Variants in FAT3 observed in about 807,000 individuals in gnomAD.
FAT3 encodes the protein protocadherin Fat 3.
In FAT3, 95 loss-of-function variants were observed where a neutral mutation model predicts 310.2. That is an observed-to-expected ratio of 0.31 (90% CI 0.26 to 0.36). The LOEUF (loss-of-function observed/expected upper bound fraction) is 0.36. Ranked by LOEUF, FAT3 falls within the 10% of genes least tolerant of loss-of-function variation. The probability of loss-of-function intolerance (pLI) is 1.00; values close to 1 mark genes in which losing one functional copy is unlikely to be tolerated. For synonymous variants in FAT3, 2,314 were observed against 2,192.9 expected, an observed-to-expected ratio of 1.06 and a Z score of -1.54; for missense variants, 5,408 against 5,715.6, an observed-to-expected ratio of 0.95 and a Z score of 1.74.
intron 1 of FAT3, among the ~76,000 whole-genome samples, chr11:92,262,996 T>C (rs1415133289): frequency 6.6e-6 from 1 of 152,134 alleles, no homozygotes; most frequent in Non-Finnish European, 1.5e-5. Context: ...CTCTCTTTTT[T>C]TTTTTATTCC....
In FAT3 at chr11:92,836,571, A is replaced by C. The variant is rs371771647; in HGVS notation, c.10092A>C (p.Ile3364=). ...TTTGCTTGTTTTCCATGAAGCTAATAGCAGAAGATGTAGACAGCCAGCCCA... is the reference window on the plus strand; with the variant it reads ...TTTGCTTGTTTTCCATGAAGCTAATCGCAGAAGATGTAGACAGCCAGCCCA... ...ALVGDSVILL[I]AEDVDSQPNG... Residue 3364 remains isoleucine, a synonymous_variant, in exon 16 of 28, where the codon ATA becomes ATC. Coordinates refer to ENST00000525166, the MANE Select transcript of FAT3 (RefSeq NM_001367949.2). 13 of 1,612,734 alleles carry C rather than the reference A, an allele frequency of 8.1e-6. No homozygotes were observed. The African/African-American group carries it at 1.7e-4, about 22-fold the overall frequency.
chr11:92,368,897 C>T (rs930864116), intron 2 of FAT3, among the ~76,000 whole-genome samples: 1 of 123,220 alleles, frequency 8.1e-6, no homozygotes, highest in Non-Finnish European at 1.5e-5. Context: ...TATATACACA[C>T]ACACATATAT....
chr11:92,483,513 A>G (rs1952292870), intron 2 of FAT3, among the ~76,000 whole-genome samples: 1 of 151,902 alleles, frequency 6.6e-6, no homozygotes, highest in Admixed American at 6.6e-5. Context: ...GCTGTTTTCT[A>G]ACATATTTTT....
intron 1 of FAT3, among the ~76,000 whole-genome samples, chr11:92,255,748 CAG>C (rs1865293082): frequency 6.6e-6 from 1 of 152,114 alleles, no homozygotes; most frequent in African/African-American, 2.4e-5. Context: ...GGCAATGAAA[CAG>C]AGTCTGGCGC....
At chr11:92,404,870 TCTC>T (rs1362961779) in intron 2 of FAT3, among the ~76,000 whole-genome samples, 4 of 151,950 alleles carry the variant, frequency 2.6e-5, no homozygotes, top group Non-Finnish European at 5.9e-5. Context: ...ACATCTATCT[TCTC>T]CTACCCTTAA....
intron 3 of FAT3, among the ~76,000 whole-genome samples, chr11:92,580,785 T>C (rs1453157370): frequency 1.3e-5 from 2 of 152,134 alleles, no homozygotes; most frequent in Non-Finnish European, 2.9e-5. Flanking sequence ...TCTGGCCTTC[T>C]CTTGGGGATA....
chr11:92,785,465 A>C (rs1159218242), intron 7 of FAT3, among the ~76,000 whole-genome samples: 1 of 152,154 alleles, frequency 6.6e-6, no homozygotes, highest in Non-Finnish European at 1.5e-5. Flanking sequence ...ATATAATTAT[A>C]TATCTGAAAA....
chr11:92,694,463 C>T (rs780964218), intron 3 of FAT3, among the ~76,000 whole-genome samples: 35 of 152,166 alleles, frequency 2.3e-4, no homozygotes, highest in Admixed American at 2.0e-3. Flanking sequence ...GTTGGCTGAT[C>T]AATATGTGAG....
intron 2 of FAT3, among the ~76,000 whole-genome samples, chr11:92,362,618 A>G (rs1396211887): frequency 1.3e-5 from 2 of 152,064 alleles, no homozygotes; most frequent in African/African-American, 4.8e-5. Flanking sequence ...AGATTACGAC[A>G]CTATTTTTGT....
intron 4 of FAT3, among the ~76,000 whole-genome samples, chr11:92,746,969 G>T (rs778274335): frequency 6.6e-6 from 1 of 152,188 alleles, no homozygotes; most frequent in Non-Finnish European, 1.5e-5. Flanking sequence ...TGCTTTCATG[G>T]ACTGACATTG....
intron 2 of FAT3, among the ~76,000 whole-genome samples, chr11:92,454,133 C>G (rs1235041019): frequency 2.0e-5 from 3 of 152,104 alleles, no homozygotes; most frequent in East Asian, 1.9e-4. Flanking sequence ...TATTTGCCTA[C>G]TAAGTCATGA....
chr11:92,474,665 A>G (rs1176463774), intron 2 of FAT3, among the ~76,000 whole-genome samples: 1 of 152,156 alleles, frequency 6.6e-6, no homozygotes, highest in African/African-American at 2.4e-5. Flanking sequence ...TAATGGAACC[A>G]GGGTCCTGGG....
intron 2 of FAT3, among the ~76,000 whole-genome samples, chr11:92,365,912 G>A (rs1949008146): frequency 6.6e-6 from 1 of 152,216 alleles, no homozygotes; most frequent in South Asian, 2.1e-4. Context: ...TAGTGTTTTG[G>A]ATTATTTATA....
At chr11:92,419,685 G>A (rs1324557019) in intron 2 of FAT3, among the ~76,000 whole-genome samples, 3 of 152,022 alleles carry the variant, frequency 2.0e-5, no homozygotes, top group Non-Finnish European at 4.4e-5. Context: ...TTGTTTACTG[G>A]TGTTACTGAT....
intron 2 of FAT3, among the ~76,000 whole-genome samples, chr11:92,444,670 GA>G (rs376452922): frequency 0.076 from 10,003 of 131,378 alleles, 620 homozygotes; most frequent in East Asian, 0.22. Flanking sequence ...GGGGGGGGGG[GA>G]AAACATACAG....
In FAT3 at chr11:92,790,143, C is replaced by T. The variant is rs773393658; in HGVS notation, c.4536C>T (p.Asp1512=). Residue 1512 remains aspartate, a synonymous_variant, in exon 8 of 28, where the codon GAC becomes GAT. Coordinates refer to ENST00000525166, the MANE Select transcript of FAT3 (RefSeq NM_001367949.2). ...DSISMRKFRI[D]PSTGVLYTAE... ...TCAGCATGAGAAAATTCCGGATTGA[C>T]CCTAGCACTGGCGTGCTCTATACTG... 6.2e-7 allele frequency: 1 copy of T among 1,613,758 alleles called. No individual in the cohort carries two copies. Among genetic ancestry groups the T allele is most frequent in the South Asian group, 1.1e-5 (1 of 91,076 alleles).
intron 19 of FAT3, among the ~76,000 whole-genome samples, chr11:92,848,805 C>G (rs1009346186): frequency 6.6e-6 from 1 of 152,208 alleles, no homozygotes; most frequent in Non-Finnish European, 1.5e-5. Context: ...ATGGCACTGT[C>G]ATAGGGTTTG....
At chr11:92,592,632 T>C (rs982047894) in intron 3 of FAT3, among the ~76,000 whole-genome samples, 30 of 152,122 alleles carry the variant, frequency 2.0e-4, no homozygotes, top group African/African-American at 7.0e-4. Context: ...AATTGTCTTT[T>C]TAGGAGTATA....
rs188208614 is a variant in FAT3 at position 92,769,162 on chromosome 11, G to T, written c.4195+4073G>T. 1.3e-3 allele frequency among the ~76,000 whole-genome samples: 197 copies of T among 152,212 alleles called. 1 individual carries two copies. Among genetic ancestry groups the T allele is most frequent in the African/African-American group, 4.4e-3 (182 of 41,534 alleles). ...TCGAGGATCTGTCACACACTTTCTT[G>T]TGCCTCCAAGGAGACCACTGCTTAC... On this transcript the variant is annotated intron_variant, in intron 6 of 27. Transcript: ENST00000525166.
Sources: allele counts gnomAD v4.1 joint callset (sites outside exome capture counted in the v4.1 genomes callset), GRCh38; gene constraint gnomAD v4.1.1; transcripts MANE v1.5; gene names NCBI Gene and HGNC (gene_info 2026-07-23, HGNC 2026-07-21).